The following NLRC4 variants were observed in gnomAD, a reference collection of about 807,000 sequenced individuals.
NLRC4 encodes the protein NLR family CARD domain-containing protein 4.
A neutral mutation model predicts 79.9 loss-of-function variants in NLRC4; 63 were observed. That is an observed-to-expected ratio of 0.79 (90% CI 0.64 to 0.97). NLRC4 has a LOEUF of 0.97. Among genes scored for constraint, NLRC4 ranks in the 50% least tolerant of loss-of-function variants. The pLI is 0.00. For missense variants in NLRC4, 1,074 were observed against 1,215.2 expected, an observed-to-expected ratio of 0.88 and a Z score of 1.73; for synonymous variants, 461 against 456.5, an observed-to-expected ratio of 1.01 and a Z score of -0.12.
intron 1 of NLRC4, among the ~76,000 whole-genome samples, chr2:32,259,262 A>ATTTTTTTTTCTTTTTTTTTT (rs1687281070): frequency 1.9e-5 from 1 of 52,878 alleles, no homozygotes; most frequent in African/African-American, 9.4e-5. Flanking sequence ...TGCCTGGCTA[A>ATTTTTTTTTCTTTTTTTTTT]TTTTTTTTTT....
At chr2:32,255,492 C>G (rs1460377827) in intron 2 of NLRC4, among the ~76,000 whole-genome samples, 2 of 145,496 alleles carry the variant, frequency 1.4e-5, no homozygotes, top group Non-Finnish European at 3.0e-5. Context: ...TGCACTCCAG[C>G]CTGGGCAACA....
chr2:32,233,320 A>AAT (rs1257781417), intron 8 of NLRC4, among the ~76,000 whole-genome samples: 798 of 67,194 alleles, frequency 0.012, 14 homozygotes, highest in South Asian at 0.018. Flanking sequence ...AGAAATTTTA[A>AAT]ATATATATAT....
At chr2:32,241,935 C>A (rs1294670531) in intron 4 of NLRC4, among the ~76,000 whole-genome samples, 1 of 151,912 alleles carries the variant, frequency 6.6e-6, no homozygotes, top group Non-Finnish European at 1.5e-5. Context: ...AAATCAACAA[C>A]CTAGGCATAC....
rs1558441900 is a variant in NLRC4, at chr2:32,224,564, G to C, written c.2984C>G (p.Thr995Ser). 6.2e-7 allele frequency: 1 copy of C among 1,613,842 alleles called. No individual in the cohort carries two copies. Among genetic ancestry groups the C allele is most frequent in the Non-Finnish European group, 8.5e-7 (1 of 1,179,780 alleles). Residue 995 changes from threonine (T) to serine (S), a missense_variant, in exon 9 of 9, where the codon ACT becomes AGT. By Grantham distance (58) the Thr-to-Ser change is moderately conservative. Coordinates refer to ENST00000402280, the MANE Select transcript of NLRC4 (RefSeq NM_001199138.2). ...RKLSQVLSKL[T>S]FLQEARLVGW... ...AACAAGCCTAGCTTCTTGCAGAAAA[G>C]TTAACTTGGATAACACTTGGCTAAG...
At chr2:32,262,849 C>A (rs1327220828) in intron 1 of NLRC4, among the ~76,000 whole-genome samples, 1 of 151,690 alleles carries the variant, frequency 6.6e-6, no homozygotes, top group Non-Finnish European at 1.5e-5. Context: ...TGCAACCCCT[C>A]CCCGCAAGCT....
chr2:32,236,095 G>T, intron 7 of NLRC4, 152 bp downstream of exon 7: 1 of 524,068 alleles, frequency 1.9e-6, no homozygotes. Context: ...TTCCTTAAGG[G>T]CAGTTTAAGA....
At position 32,235,511 on chromosome 2, in the gene NLRC4, T is replaced by G. The variant is rs761505468; in HGVS notation, c.2672A>C (p.Asp891Ala). 6.2e-6 allele frequency: 10 copies of G among 1,614,202 alleles called. No homozygotes were observed. The highest frequency in any genetic ancestry group is 8.5e-6 in the Non-Finnish European group (10 of 1,180,004). The change falls in exon 8 of 9, where the codon GAC (aspartate) becomes GCC (alanine). Residue 891 changes from aspartate (D) to alanine (A), a missense_variant. Asp to Ala is a moderately radical substitution (Grantham distance 126). Coordinates refer to ENST00000402280, the MANE Select transcript of NLRC4 (RefSeq NM_001199138.2). ...LTALMLPWGC[D>A]VQGSLSSLLK... ...CAGGCTGCTCAGGCTGCCTTGCACG[T>G]CACAGCCCCAGGGCAGCATCAGTGC...
intron 2 of NLRC4, among the ~76,000 whole-genome samples, chr2:32,254,291 T>C (rs940773865): frequency 1.3e-4 from 20 of 152,040 alleles, no homozygotes; most frequent in Admixed American, 3.3e-4. Flanking sequence ...TAACTCAATA[T>C]ATGTTAGCTA....
intron 1 of NLRC4, among the ~76,000 whole-genome samples, chr2:32,257,726 T>C (rs1382618081): frequency 1.3e-5 from 2 of 150,944 alleles, no homozygotes; most frequent in African/African-American, 2.4e-5. Context: ...TCAGGGAGTA[T>C]GGAAAGGGGA....
chr2:32,242,277 G>A (rs1274576923), intron 4 of NLRC4, among the ~76,000 whole-genome samples: 1 of 151,910 alleles, frequency 6.6e-6, no homozygotes, highest in Non-Finnish European at 1.5e-5. Flanking sequence ...TACCAAGACT[G>A]ACAAAGAAAA....
chr2:32,231,706 A>G (rs1291986519), intron 8 of NLRC4, among the ~76,000 whole-genome samples: 2 of 151,700 alleles, frequency 1.3e-5, no homozygotes, highest in African/African-American at 4.8e-5. Context: ...GGTAGCTGGG[A>G]CTACAGGCGT....
rs376376670 is a variant in NLRC4 at position 32,250,738 on chromosome 2, G to T, written c.1126C>A (p.His376Asn). The T allele has an allele frequency of 6.2e-7, 1 of 1,614,198 alleles. No individual in the cohort carries two copies. Among genetic ancestry groups the T allele is most frequent in the African/African-American group, 1.3e-5 (1 of 75,032 alleles). The change falls in exon 4 of 9, where the codon CAC becomes AAC. Residue 376 changes from histidine (H) to asparagine (N), a missense_variant. Coordinates refer to ENST00000402280, the MANE Select transcript of NLRC4 (RefSeq NM_001199138.2). The surrounding 1 kb of genome is among the most constrained non-coding windows in gnomAD (Gnocchi z 4.9). ...FYDLLIQKNK[H>N]KHKGVAASDF... ...CTTGCAGCCACACCTTTATGTTTGT[G>T]TTTGTTTTTCTGTATCAACAGATCA...
intron 8 of NLRC4, among the ~76,000 whole-genome samples, chr2:32,232,279 A>G (rs1686555771): frequency 6.6e-6 from 1 of 152,170 alleles, no homozygotes; most frequent in Non-Finnish European, 1.5e-5. Flanking sequence ...TTTGATATAC[A>G]GCGTTTTCTT....
At position 32,250,146 on chromosome 2, in the gene NLRC4, T is replaced by C; in HGVS notation, c.1718A>G (p.Gln573Arg). 1.9e-6 allele frequency: 3 copies of C among 1,614,186 alleles called. No homozygotes were observed. Among genetic ancestry groups the C allele is most frequent in the Middle Eastern group, 1.6e-4 (1 of 6,062 alleles). The change falls in exon 4 of 9, where the codon CAA (glutamine) becomes CGA (arginine). Residue 573 changes from glutamine to arginine, a missense_variant. Gln to Arg is a conservative substitution (Grantham distance 43). Transcript: ENST00000402280. This position sits in a 1 kb window ranked among gnomAD's most constrained non-coding sequence, Gnocchi z 4.9. The stretch of plus-strand genomic sequence containing the variant: ...ACCTTGAAAGAAAGCTTCAAATTCT[T>C]GGCTCAGGGCTGATTTGGATGTACT... The part of the protein sequence containing the change: ...QESTSKSALS[Q>R]EFEAFFQGKS...
chr2:32,231,582 G>GGGT (rs1686539467), intron 8 of NLRC4, among the ~76,000 whole-genome samples: 1 of 106,580 alleles, frequency 9.4e-6, no homozygotes, highest in Non-Finnish European at 1.9e-5. Flanking sequence ...TGTGGGGGGG[G>GGGT]GGTGGGGGAC....
chr2:32,227,148 A>G (rs1475740568), intron 8 of NLRC4, among the ~76,000 whole-genome samples: 1 of 147,886 alleles, frequency 6.8e-6, no homozygotes, highest in African/African-American at 2.5e-5. Context: ...AGTCAAAAAT[A>G]ACACTCTTAA....
intron 4 of NLRC4, among the ~76,000 whole-genome samples, chr2:32,244,617 A>T (rs1686886773): frequency 1.3e-5 from 2 of 152,176 alleles, no homozygotes; most frequent in Admixed American, 6.6e-5. Flanking sequence ...CGAAGATAAC[A>T]TGATTGTCTA....
intron 2 of NLRC4, among the ~76,000 whole-genome samples, chr2:32,252,932 G>A (rs546236413): frequency 1.3e-5 from 2 of 151,996 alleles, no homozygotes; most frequent in South Asian, 2.1e-4. Context: ...GCAGGAGAAT[G>A]GCGTGAACCC....
intron 8 of NLRC4, among the ~76,000 whole-genome samples, chr2:32,231,960 C>T (rs1380517868): frequency 3.3e-5 from 5 of 152,106 alleles, no homozygotes; most frequent in African/African-American, 9.7e-5. Context: ...ATGCTTATGA[C>T]GATTTCTCAC....
Sources: gnomAD v4.1 joint callset for allele counts (sites outside exome capture counted in the v4.1 genomes callset) on GRCh38, gnomAD v4.1.1 for gene constraint, Gnocchi (gnomAD v3.1) non-coding constraint, MANE v1.5 for transcripts, NCBI Gene and HGNC (gene_info 2026-07-23, HGNC 2026-07-21) for gene names.